Variants in SLC22A16 observed in about 807,000 individuals in gnomAD.
The protein encoded by SLC22A16 is solute carrier family 22 member 16.
A neutral mutation model predicts 52.9 loss-of-function variants in SLC22A16; 53 were observed. That is an observed-to-expected ratio of 1.00 (90% CI 0.80 to 1.26). SLC22A16 has a LOEUF of 1.26. Among genes scored for constraint, SLC22A16 ranks in the 50% most tolerant of loss-of-function variants. The pLI, the probability that SLC22A16 is intolerant of heterozygous loss-of-function variation, is 0.00. For missense variants in SLC22A16, 726 were observed against 704.0 expected (o/e 1.03, Z -0.35); for synonymous variants, 291 against 268.8 (o/e 1.08, Z -0.81).
intron 7 of SLC22A16, 80 bp from the exon 8 acceptor site, chr6:110,425,165 T>A (rs1257383776): frequency 1.3e-5 from 21 of 1,571,912 alleles, no homozygotes; most frequent in Non-Finnish European, 1.8e-5. Context: ...TCCTAACTGT[T>A]TTCAGAGGGT....
chr6:110,446,428 G>A (rs1241015467), intron 3 of SLC22A16, among the ~76,000 whole-genome samples: 2 of 152,106 alleles, frequency 1.3e-5, no homozygotes, highest in Non-Finnish European at 2.9e-5. Flanking sequence ...TGACAATGCT[G>A]GTATTCAAAC....
intron 1 of SLC22A16, 88 bp downstream of exon 1, chr6:110,476,434 G>A: frequency 7.1e-7 from 1 of 1,404,466 alleles, no homozygotes; most frequent in Non-Finnish European, 9.3e-7. Context: ...CGGATCGCGA[G>A]CGCCGCGCGA....
At position 110,437,452 on chromosome 6, in the gene SLC22A16, C is replaced by T. The variant is rs189372650; in HGVS notation, c.1311+1268G>A. Among the ~76,000 whole-genome samples, 827 of 152,184 alleles carry T rather than the reference C, an allele frequency of 5.4e-3. 2 individuals carry two copies. The highest frequency in any genetic ancestry group is 0.02 in the Middle Eastern group (6 of 294). ...CAAATTGGCAGAGACCTCCTTGTCC[C>T]GAGTAGTTTTATTGCATTCAATTAG... On this transcript the variant is annotated intron_variant, in intron 5 of 7. Coordinates refer to ENST00000368919, the MANE Select transcript of SLC22A16 (RefSeq NM_033125.4).
In SLC22A16 at chr6:110,441,984, A is replaced by G. The variant is rs557990789; in HGVS notation, c.1183+260T>C. ...AAGTGTCTTGACCTTGATGGCAATCATGTTGAGAAAGTTTATGTTTTAAAT... is the reference window on the plus strand; with the variant it reads ...AAGTGTCTTGACCTTGATGGCAATCGTGTTGAGAAAGTTTATGTTTTAAAT... On this transcript the variant is annotated intron_variant, in intron 4 of 7. Transcript: ENST00000368919. 2.0e-5 allele frequency among the ~76,000 whole-genome samples: 3 copies of G among 152,322 alleles called. No homozygotes were observed. The South Asian group carries it at 6.2e-4, about 32-fold the overall frequency.
chr6:110,438,945 T>C (rs1396987203), intron 4 of SLC22A16, 98 bp from the exon 5 acceptor site: 11 of 1,446,844 alleles, frequency 7.6e-6, no homozygotes, highest in Admixed American at 2.1e-5. Context: ...TGAGCAGCCC[T>C]CTCCTCACTT....
In SLC22A16 at chr6:110,431,252, G is replaced by C. The variant is rs145203259; in HGVS notation, c.1440C>G (p.Ser480Arg). ...TGGCCAGGCGACACACCATGCTGCC[G>C]CTTCCCACAGCCAGCGATCTGGAAA... ...PTIVRSLAVGSGSMVCRLASI... is the reference protein window; with the variant it reads ...PTIVRSLAVGRGSMVCRLASI... Residue 480 changes from serine (S) to arginine (R), a missense_variant, in exon 7 of 8, where the codon AGC (serine) becomes AGG (arginine). Physicochemically the swap from Ser to Arg is moderately radical, Grantham distance 110. Coordinates refer to ENST00000368919, the MANE Select transcript of SLC22A16 (RefSeq NM_033125.4). 1 of 1,612,416 alleles carries C rather than the reference G, an allele frequency of 6.2e-7. No homozygotes were observed. The highest frequency in any genetic ancestry group is 8.5e-7 in the Non-Finnish European group (1 of 1,179,856).
At position 110,473,548 on chromosome 6, in the gene SLC22A16, G is replaced by C. The variant is rs570250656; in HGVS notation, c.53+2974C>G. On this transcript the variant is annotated intron_variant, in intron 1 of 7. Coordinates refer to ENST00000368919, the MANE Select transcript of SLC22A16 (RefSeq NM_033125.4). Reference sequence around the variant, plus strand: ...TTTTTTTTTTTTTTTTTTTTGAGACGGAATCTCGTTCTGTCGCCCGGGCTG... The same window carrying C: ...TTTTTTTTTTTTTTTTTTTTGAGACCGAATCTCGTTCTGTCGCCCGGGCTG... 3.5e-4 allele frequency among the ~76,000 whole-genome samples: 33 copies of C among 95,122 alleles called. 1 individual carries two copies. Among genetic ancestry groups the C allele is most frequent in the Non-Finnish European group, 1.9e-5 (1 of 53,318 alleles). 62.4% of individuals were successfully genotyped at this position (95,122 alleles called of 152,430 possible).
intron 1 of SLC22A16, chr6:110,476,310 G>A: frequency 7.3e-7 from 1 of 1,366,828 alleles, no homozygotes; most frequent in Non-Finnish European, 9.4e-7. Flanking sequence ...CAGCGCCTCT[G>A]CTCACCATGC....
At chr6:110,450,700 A>T (rs1582557651) in intron 2 of SLC22A16, among the ~76,000 whole-genome samples, 1 of 150,916 alleles carries the variant, frequency 6.6e-6, no homozygotes, top group African/African-American at 2.4e-5. Context: ...TTAGCTCCTT[A>T]AGGGTGGGAT....
chr6:110,442,477 G>T lies in SLC22A16; in HGVS notation c.950C>A (p.Ala317Glu), dbSNP rs184922118. Reference protein sequence around the residue: ...IVDIMAKWNRASSCKLSELLS... With the variant: ...IVDIMAKWNRESSCKLSELLS... Reference sequence around the variant, plus strand: ...AAGTTCTGACAGTTTACAGGAGCTTGCCCTGTTCCACTTGGCCATGATGTC... The same window carrying T: ...AAGTTCTGACAGTTTACAGGAGCTTTCCCTGTTCCACTTGGCCATGATGTC... The change falls in exon 4 of 8, where the codon GCA becomes GAA. Residue 317 changes from alanine to glutamate, a missense_variant. By Grantham distance (107) the Ala-to-Glu change is moderately radical. Transcript: ENST00000368919. The T allele has an allele frequency of 1.1e-5, 17 of 1,614,188 alleles. No homozygotes were observed. The East Asian group carries it at 2.2e-4, about 21-fold the overall frequency.
In SLC22A16 at chr6:110,456,762, C is replaced by G; in HGVS notation, c.309G>C (p.Arg103Ser). The part of the protein sequence containing the change: ...GEIWELSRCS[R>S]NKRENTSSLG... Reference sequence around the variant, plus strand: ...AACTCGATGTGTTCTCCCTCTTATTCCTGCTACACCTTGAGAGCTCCCAGA... The same window carrying G: ...AACTCGATGTGTTCTCCCTCTTATTGCTGCTACACCTTGAGAGCTCCCAGA... Residue 103 changes from arginine (R) to serine (S), a missense_variant, in exon 2 of 8, where the codon AGG (arginine) becomes AGC (serine). Arg to Ser is a moderately radical substitution (Grantham distance 110, BLOSUM62 -1). Coordinates refer to ENST00000368919, the MANE Select transcript of SLC22A16 (RefSeq NM_033125.4). The G allele has an allele frequency of 1.9e-6, 3 of 1,614,170 alleles. No individual in the cohort carries two copies. The highest frequency in any genetic ancestry group is 8.5e-7 in the Non-Finnish European group (1 of 1,180,036).
intron 3 of SLC22A16, among the ~76,000 whole-genome samples, chr6:110,445,229 T>G (rs1167772084): frequency 2.0e-5 from 3 of 152,128 alleles, no homozygotes; most frequent in Non-Finnish European, 4.4e-5. Context: ...CTCCTCTCTA[T>G]TCTCCAGACA....
chr6:110,467,390 A>AT (rs745446241), intron 1 of SLC22A16, among the ~76,000 whole-genome samples: 1 of 152,062 alleles, frequency 6.6e-6, no homozygotes, highest in African/African-American at 2.4e-5. Context: ...ATTTATGTTG[A>AT]TTTTTTTAAA....
chr6:110,439,766 G>A (rs888361257), intron 4 of SLC22A16, among the ~76,000 whole-genome samples: 45 of 152,118 alleles, frequency 3.0e-4, no homozygotes, highest in African/African-American at 1.0e-3. Context: ...TTTCTCTCAC[G>A]TTTTAGTTTA....
At chr6:110,444,986 G>A (rs188696710) in intron 3 of SLC22A16, among the ~76,000 whole-genome samples, 227 of 152,172 alleles carry the variant, frequency 1.5e-3, no homozygotes, top group African/African-American at 4.5e-3. Context: ...ATTGGATTCA[G>A]AAAATCCATA....
intron 1 of SLC22A16, among the ~76,000 whole-genome samples, chr6:110,469,492 G>A (rs1776188236): frequency 6.6e-6 from 1 of 152,168 alleles, no homozygotes; most frequent in Non-Finnish European, 1.5e-5. Context: ...ACGTTGCAGT[G>A]AGCCAAGATC....
intron 4 of SLC22A16, 117 bp downstream of exon 4, chr6:110,442,127 T>A: frequency 1.0e-6 from 1 of 971,692 alleles, no homozygotes; most frequent in Non-Finnish European, 1.5e-6. Context: ...TGTTCCTGGT[T>A]TTAAAGGGCC....
chr6:110,458,095 G>A (rs1416320502), intron 1 of SLC22A16, among the ~76,000 whole-genome samples: 1 of 152,134 alleles, frequency 6.6e-6, no homozygotes, highest in Non-Finnish European at 1.5e-5. Flanking sequence ...AGCAGAATTA[G>A]TGAAAATATT....
At chr6:110,475,758 G>A (rs1398582824) in intron 1 of SLC22A16, among the ~76,000 whole-genome samples, 1 of 152,130 alleles carries the variant, frequency 6.6e-6, no homozygotes, top group Non-Finnish European at 1.5e-5. Context: ...AAAACACTCT[G>A]AGTCAGATAG....
Sources: gnomAD v4.1 joint callset for allele counts (sites outside exome capture counted in the v4.1 genomes callset) on GRCh38, gnomAD v4.1.1 for gene constraint, MANE v1.5 for transcripts, NCBI Gene and HGNC (gene_info 2026-07-23, HGNC 2026-07-21) for gene names.